PPP1R14C: variants seen among roughly 807,000 people sequenced by gnomAD.
The protein encoded by PPP1R14C is protein phosphatase 1 regulatory inhibitor subunit 14C.
Under a neutral mutation model 20.4 loss-of-function variants are expected in PPP1R14C, and 16 were observed. The ratio of observed to expected loss-of-function variants is 0.78; its 90% CI spans 0.53 to 1.19. The LOEUF (loss-of-function observed/expected upper bound fraction) is 1.19, where lower values mean the gene tolerates loss of function less well. Ranked by LOEUF, PPP1R14C falls within the 50% of genes most tolerant of loss-of-function variation. The pLI is 0.00. For missense variants in PPP1R14C, 211 were observed against 220.1 expected (o/e 0.96, Z 0.26); for synonymous variants, 91 against 91.0 (o/e 1.00, Z 0.00).
chr6:150,153,112 T>TCTA (rs1777269480), intron 1 of PPP1R14C, among the ~76,000 whole-genome samples: 1 of 152,228 alleles, frequency 6.6e-6, no homozygotes, highest in Non-Finnish European at 1.5e-5. Context: ...ACCTCCAGCC[T>TCTA]CTAGAACTGT....
In PPP1R14C at chr6:150,143,715, C is replaced by A. The variant is rs549432591; in HGVS notation, c.306+217C>A. Among the ~76,000 whole-genome samples, 607 of 152,292 alleles carry A rather than the reference C, an allele frequency of 4.0e-3. 4 individuals carry two copies. Among genetic ancestry groups the A allele is most frequent in the African/African-American group, 0.014 (588 of 41,570 alleles). On this transcript the variant is annotated intron_variant, in intron 1 of 3. Coordinates refer to ENST00000361131, the MANE Select transcript of PPP1R14C (RefSeq NM_030949.3). The surrounding 1 kb of genome is among the most constrained non-coding windows in gnomAD (Gnocchi z 5.6). ...CTGTCTGGGTTCGGCTGCCGGTGCC[C>A]GGGGATCTGCGGGCCCCCTTGGTGG...
Position 150,179,207 on chromosome 6 carries a change from A to C in PPP1R14C, c.307-35537A>C, listed in dbSNP as rs573073686. Among the ~76,000 whole-genome samples the C allele has an allele frequency of 4.6e-5, 7 of 152,198 alleles. No individual in the cohort carries two copies. In the South Asian group the frequency reaches 1.0e-3, roughly 23 times the overall value. On this transcript the variant is annotated intron_variant, in intron 1 of 3. Transcript: ENST00000361131. The stretch of plus-strand genomic sequence containing the variant: ...CGCTGCTTGAGCCCAGGAGTTCAGT[A>C]CCAGCTGGGACAACATAGCAAGACC...
chr6:150,180,968 G>A (rs1227971446), intron 1 of PPP1R14C, among the ~76,000 whole-genome samples: 2 of 152,198 alleles, frequency 1.3e-5, no homozygotes, highest in African/African-American at 2.4e-5. Flanking sequence ...AGGACCCAAT[G>A]TCAAAGTGTA....
intron 1 of PPP1R14C, among the ~76,000 whole-genome samples, chr6:150,167,575 G>A (rs957831108): frequency 6.6e-6 from 1 of 152,118 alleles, no homozygotes; most frequent in African/African-American, 2.4e-5. Context: ...AACAAACTAG[G>A]CTGCTAGGTA....
chr6:150,143,461 G>A lies in PPP1R14C; in HGVS notation c.269G>A (p.Trp90Ter). The A allele has an allele frequency of 6.2e-7, 1 of 1,607,414 alleles. No homozygotes were observed. The highest frequency in any genetic ancestry group is 8.5e-7 in the Non-Finnish European group (1 of 1,177,358). ...ELRKRLVLEE[W>*]IVEQLGQLYG... ...CGGAAGCGGCTGGTGCTGGAGGAAT[G>A]GATCGTGGAGCAGCTGGGTCAGCTC... The change falls in exon 1 of 4, where the codon TGG becomes TAG. Residue 90 changes from tryptophan to a stop codon, truncating the protein, a stop_gained. Coordinates refer to ENST00000361131, the MANE Select transcript of PPP1R14C (RefSeq NM_030949.3). LOFTEE classifies it high-confidence loss of function. The surrounding 1 kb of genome is among the most constrained non-coding windows in gnomAD (Gnocchi z 5.6).
At chr6:150,193,504 G>GAAGAGAGCTACGACGGGA (rs1476225298) in intron 1 of PPP1R14C, among the ~76,000 whole-genome samples, 2 of 152,068 alleles carry the variant, frequency 1.3e-5, no homozygotes, top group African/African-American at 2.4e-5. Context: ...AGATGAAGAA[G>GAAGAGAGCTACGACGGGA]AAGAGAGCTA....
chr6:150,156,489 C>T (rs927602784), intron 1 of PPP1R14C, among the ~76,000 whole-genome samples: 3 of 152,184 alleles, frequency 2.0e-5, no homozygotes, highest in Non-Finnish European at 4.4e-5. Context: ...AAAGCCATTT[C>T]ATTCATTTCT....
In PPP1R14C at chr6:150,247,220, T is replaced by G. The variant is rs1044945216; in HGVS notation, c.424-1526T>G. ...GAGAGCTGTTTTTCAGATGGCTCCA[T>G]GGACAGCAAAGTTCCTCGGTGTTTT... On this transcript the variant is annotated intron_variant, in intron 3 of 3. Coordinates refer to ENST00000361131, the MANE Select transcript of PPP1R14C (RefSeq NM_030949.3). Among the ~76,000 whole-genome samples the G allele has an allele frequency of 4.6e-5, 7 of 152,328 alleles. No individual in the cohort carries two copies. In the East Asian group the frequency reaches 1.3e-3, roughly 29 times the overall value.
rs180973109 is a variant in PPP1R14C, at chr6:150,231,422, G to A, written c.423+14566G>A. On this transcript the variant is annotated intron_variant, in intron 3 of 3. Coordinates refer to ENST00000361131, the MANE Select transcript of PPP1R14C (RefSeq NM_030949.3). ...CAAGTCTGGCTAGCTTCCAGTGCTC[G>A]AAGGGGCATGTCTGGAGCCTTCATA... Among the ~76,000 whole-genome samples the A allele has an allele frequency of 6.6e-5, 10 of 152,290 alleles. No individual in the cohort carries two copies. The South Asian group carries it at 1.7e-3, about 25-fold the overall frequency.
At chr6:150,209,482 G>A (rs976104019) in intron 1 of PPP1R14C, among the ~76,000 whole-genome samples, 3 of 152,076 alleles carry the variant, frequency 2.0e-5, no homozygotes, top group Non-Finnish European at 2.9e-5. Flanking sequence ...TGTGGAATGG[G>A]TGTATTCATG....
At chr6:150,155,186 T>G (rs893647891) in intron 1 of PPP1R14C, among the ~76,000 whole-genome samples, 2 of 152,186 alleles carry the variant, frequency 1.3e-5, no homozygotes, top group African/African-American at 4.8e-5. Context: ...CATGACTGAA[T>G]CTATACTAAG....
chr6:150,187,368 G>C (rs1777690255), intron 1 of PPP1R14C, among the ~76,000 whole-genome samples: 1 of 150,232 alleles, frequency 6.7e-6, no homozygotes, highest in South Asian at 2.1e-4. Context: ...TTTTGTTATG[G>C]GAGTTTGTTG....
chr6:150,222,184 C>G (rs1259532073), intron 3 of PPP1R14C, among the ~76,000 whole-genome samples: 3 of 152,174 alleles, frequency 2.0e-5, no homozygotes, highest in Non-Finnish European at 4.4e-5. Flanking sequence ...GGGTGCTGAT[C>G]TAGTCACATC....
intron 1 of PPP1R14C, among the ~76,000 whole-genome samples, chr6:150,162,034 C>T (rs1185491330): frequency 6.6e-6 from 1 of 150,468 alleles, no homozygotes; most frequent in Non-Finnish European, 1.5e-5. Context: ...CCATTTACCC[C>T]CCTCCGTTTA....
At chr6:150,238,998 A>G (rs1582934188) in intron 3 of PPP1R14C, among the ~76,000 whole-genome samples, 1 of 152,010 alleles carries the variant, frequency 6.6e-6, no homozygotes, top group Non-Finnish European at 1.5e-5. Context: ...CCATACAGAA[A>G]CCACATCCAC....
At chr6:150,170,054 A>T (rs1777479678) in intron 1 of PPP1R14C, among the ~76,000 whole-genome samples, 1 of 152,154 alleles carries the variant, frequency 6.6e-6, no homozygotes, top group African/African-American at 2.4e-5. Flanking sequence ...GCTTTTAATG[A>T]CTTTGCCTTG....
intron 2 of PPP1R14C, 53 bp from the exon 3 acceptor site, chr6:150,216,765 TTAAAAA>T: frequency 8.3e-7 from 1 of 1,212,096 alleles, no homozygotes; most frequent in Non-Finnish European, 1.2e-6. Flanking sequence ...TAATTTTGCC[TTAAAAA>T]TAATGCTGAA....
At chr6:150,188,062 T>C (rs1777698126) in intron 1 of PPP1R14C, among the ~76,000 whole-genome samples, 1 of 152,246 alleles carries the variant, frequency 6.6e-6, no homozygotes, top group Non-Finnish European at 1.5e-5. Context: ...AATATTATAT[T>C]CTAACATAGT....
At position 150,223,068 on chromosome 6, in the gene PPP1R14C, C is replaced by T. The variant is rs915627169; in HGVS notation, c.423+6212C>T. On this transcript the variant is annotated intron_variant, in intron 3 of 3. Coordinates refer to ENST00000361131, the MANE Select transcript of PPP1R14C (RefSeq NM_030949.3). ...ACAGGCATTAGCCACCATGCCCAGCCCAAAATGGCTTTTAAAAAATGTGAT... is the reference window on the plus strand; with the variant it reads ...ACAGGCATTAGCCACCATGCCCAGCTCAAAATGGCTTTTAAAAAATGTGAT... Among the ~76,000 whole-genome samples, 3 of 152,060 alleles carry T rather than the reference C, an allele frequency of 2.0e-5. No individual in the cohort carries two copies. In the South Asian group the frequency reaches 6.2e-4, roughly 32 times the overall value.
Sources: allele counts gnomAD v4.1 joint callset (sites outside exome capture counted in the v4.1 genomes callset), GRCh38; gene constraint gnomAD v4.1.1; non-coding constraint Gnocchi (gnomAD v3.1); transcripts MANE v1.5; gene names NCBI Gene and HGNC (gene_info 2026-07-23, HGNC 2026-07-21).